Variants in CADPS2 observed in about 807,000 individuals in gnomAD.
CADPS2 encodes the protein calcium dependent secretion activator 2, also known as calcium-dependent secretion activator 2.
Under a neutral mutation model 172.5 loss-of-function variants are expected in CADPS2, and 93 were observed. The ratio of observed to expected loss-of-function variants is 0.54; its 90% CI spans 0.46 to 0.64. The LOEUF is 0.64. Among genes scored for constraint, CADPS2 ranks in the 30% least tolerant of loss-of-function variants. The probability of loss-of-function intolerance (pLI) is 0.00; values close to 1 mark genes in which losing one functional copy is unlikely to be tolerated. For missense variants in CADPS2, 1,420 were observed against 1,565.9 expected, an observed-to-expected ratio of 0.91 and a Z score of 1.57; for synonymous variants, 546 against 555.2, an observed-to-expected ratio of 0.98 and a Z score of 0.23.
At chr7:122,668,982 G>C (rs1459743771) in intron 2 of CADPS2, among the ~76,000 whole-genome samples, 2 of 152,138 alleles carry the variant, frequency 1.3e-5, no homozygotes, top group African/African-American at 4.8e-5. Context: ...ACTTTGTTTT[G>C]TTTGCTAATA....
intron 27 of CADPS2, 32 bp from the exon 28 acceptor site, chr7:122,345,713 T>C (rs1049791633): frequency 6.3e-6 from 8 of 1,274,950 alleles, no homozygotes; most frequent in Admixed American, 1.8e-5. Flanking sequence ...GGGAACAAAA[T>C]AATATCAGGT....
At chr7:122,474,714 C>A (rs1432973271) in intron 12 of CADPS2, among the ~76,000 whole-genome samples, 197 bp from the exon 13 acceptor site, 1 of 152,012 alleles carries the variant, frequency 6.6e-6, no homozygotes, top group Non-Finnish European at 1.5e-5. Context: ...AGCAAAAAAT[C>A]TACAAATCAT....
intron 2 of CADPS2, among the ~76,000 whole-genome samples, chr7:122,706,288 TATATATATGCTTATATATTCAAGGA>T (rs2087458460): frequency 0.015 from 292 of 19,724 alleles, 55 homozygotes; most frequent in Non-Finnish European, 0.02. Flanking sequence ...ATTCAAGGAA[TATATATATGCTTATATATTCAAGGA>T]ATATATATAT....
At chr7:122,834,352 G>C (rs1421577357) in intron 1 of CADPS2, among the ~76,000 whole-genome samples, 2 of 152,204 alleles carry the variant, frequency 1.3e-5, no homozygotes. Context: ...CCAGTCTACA[G>C]CTCCCAGCGT....
At chr7:122,483,981 A>G (rs969672162) in intron 11 of CADPS2, among the ~76,000 whole-genome samples, 2 of 152,190 alleles carry the variant, frequency 1.3e-5, no homozygotes, top group Non-Finnish European at 2.9e-5. Context: ...GAAGTGATAC[A>G]TGGTATTCAC....
intron 1 of CADPS2, among the ~76,000 whole-genome samples, chr7:122,869,711 AAT>A (rs1819253504): frequency 6.6e-6 from 1 of 152,116 alleles, no homozygotes; most frequent in African/African-American, 2.4e-5. Context: ...GTGAATACCA[AAT>A]ATATCTCTAG....
At chr7:122,611,454 T>C (rs1040969475) in intron 6 of CADPS2, among the ~76,000 whole-genome samples, 2 of 152,146 alleles carry the variant, frequency 1.3e-5, no homozygotes, top group Non-Finnish European at 1.5e-5. Flanking sequence ...CTTGGATGAA[T>C]TGAAAAATTA....
chr7:122,422,831 C>T (rs934380720), intron 17 of CADPS2, among the ~76,000 whole-genome samples: 26 of 151,340 alleles, frequency 1.7e-4, no homozygotes, highest in South Asian at 6.3e-4. Flanking sequence ...TGGTGGCACA[C>T]GCCTGTAATC....
rs76565711 is a variant in CADPS2, at chr7:122,668,725, T to A, written c.454-5156A>T. On this transcript the variant is annotated intron_variant, in intron 2 of 29. Coordinates refer to ENST00000449022, the MANE Select transcript of CADPS2 (RefSeq NM_017954.11). ...ATCAAGTACCATAAGAGAAATCAGG[T>A]CAAATGAAGAGAGATTTGCTGGTTT... Among the ~76,000 whole-genome samples the A allele has an allele frequency of 1.0e-3, 159 of 152,198 alleles. 2 individuals carry two copies. In the East Asian group the frequency reaches 0.027, roughly 26 times the overall value.
chr7:122,636,084 T>G (rs1428771656), intron 3 of CADPS2, among the ~76,000 whole-genome samples: 1 of 152,216 alleles, frequency 6.6e-6, no homozygotes, highest in East Asian at 1.9e-4. Context: ...AGTGGGGTTT[T>G]GAGACCATTT....
At chr7:122,432,724 A>C in intron 17 of CADPS2, among the ~76,000 whole-genome samples, 1 of 151,906 alleles carries the variant, frequency 6.6e-6, no homozygotes, top group East Asian at 1.9e-4. Context: ...AATCATGATG[A>C]ATTTTGGGTA....
intron 1 of CADPS2, among the ~76,000 whole-genome samples, chr7:122,883,198 A>AT (rs1823408196): frequency 6.6e-6 from 1 of 152,270 alleles, no homozygotes; most frequent in South Asian, 2.1e-4. Flanking sequence ...AAATAAATAA[A>AT]TAACACTGCT....
At chr7:122,542,889 C>A (rs1450527825) in intron 8 of CADPS2, among the ~76,000 whole-genome samples, 1 of 152,016 alleles carries the variant, frequency 6.6e-6, no homozygotes, top group Non-Finnish European at 1.5e-5. Context: ...ACATACAGTT[C>A]TCACAACCAC....
intron 6 of CADPS2, among the ~76,000 whole-genome samples, chr7:122,593,177 A>T (rs961986496): frequency 6.6e-6 from 1 of 151,954 alleles, no homozygotes. Flanking sequence ...ACATCAAACT[A>T]TACTACTCTA....
At chr7:122,696,634 C>A (rs1449196303) in intron 2 of CADPS2, among the ~76,000 whole-genome samples, 1 of 152,158 alleles carries the variant, frequency 6.6e-6, no homozygotes, top group Non-Finnish European at 1.5e-5. Context: ...CGCAGCAATT[C>A]AAATCCCAGT....
chr7:122,384,778 C>A (rs1447251411), intron 24 of CADPS2, among the ~76,000 whole-genome samples: 1 of 152,010 alleles, frequency 6.6e-6, no homozygotes, highest in Non-Finnish European at 1.5e-5. Flanking sequence ...AAACCACCCA[C>A]CTATTAATGT....
chr7:122,477,043 G>C (rs1206228267), intron 12 of CADPS2, among the ~76,000 whole-genome samples: 1 of 46,620 alleles, frequency 2.1e-5, no homozygotes, highest in African/African-American at 1.1e-4. Context: ...GAGAGGAGAG[G>C]AGAGAGAGAA....
intron 24 of CADPS2, 119 bp from the exon 25 acceptor site, chr7:122,379,561 A>T: frequency 1.4e-6 from 1 of 692,636 alleles, no homozygotes; most frequent in Non-Finnish European, 2.6e-6. Flanking sequence ...ATGATCATTT[A>T]GAACATTAAA....
intron 22 of CADPS2, 84 bp from the exon 23 acceptor site, chr7:122,388,822 C>T: frequency 8.2e-7 from 1 of 1,214,828 alleles, no homozygotes. Flanking sequence ...TTTTCTGCAT[C>T]AATTGCCATC....
Sources: allele counts gnomAD v4.1 joint callset (sites outside exome capture counted in the v4.1 genomes callset), GRCh38; gene constraint gnomAD v4.1.1; transcripts MANE v1.5; gene names NCBI Gene and HGNC (gene_info 2026-07-23, HGNC 2026-07-21).